The following SZT2 variants were observed in gnomAD, a reference collection of about 807,000 sequenced individuals.
SZT2 encodes the protein KICSTOR complex protein SZT2.
A neutral mutation model predicts 404.2 loss-of-function variants in SZT2; 216 were observed. That is an observed-to-expected ratio of 0.53 (90% CI 0.48 to 0.60). The LOEUF (loss-of-function observed/expected upper bound fraction) is 0.60. Among genes scored for constraint, SZT2 ranks in the 20% least tolerant of loss-of-function variants. The pLI is 0.00. For missense variants in SZT2, 3,857 were observed against 4,459.2 expected (o/e 0.86, Z 3.85); for synonymous variants, 1,693 against 1,749.9 (o/e 0.97, Z 0.81).
Position 43,425,177 on chromosome 1 carries a change from TC to T in SZT2, c.2621del (p.Pro874HisfsTer57). ...KHTCVVQYIL[F>X]PPHSTSTKDS... ...ACCTGTGTTGTCCAGTACATCCTCTTCCCCCCACACTCTACCTCCACCAAAG... is the reference window on the plus strand; with the variant it reads ...ACCTGTGTTGTCCAGTACATCCTCTTCCCCCACACTCTACCTCCACCAAAG... On this transcript the variant is annotated frameshift_variant, in exon 18 of 72. Transcript: ENST00000634258. LOFTEE classifies it high-confidence loss of function. This position sits in a 1 kb window ranked among gnomAD's most constrained non-coding sequence, Gnocchi z 4.3. 2 of 1,613,928 alleles carry T rather than the reference TC, an allele frequency of 1.2e-6. No homozygotes were observed. The highest frequency in any genetic ancestry group is 1.7e-6 in the Non-Finnish European group (2 of 1,179,966).
intron 1 of SZT2, among the ~76,000 whole-genome samples, chr1:43,391,728 C>G (rs2153926786): frequency 6.6e-6 from 1 of 152,222 alleles, no homozygotes; most frequent in Middle Eastern, 3.4e-3. Flanking sequence ...ACAACACCGT[C>G]CTGTAGAAAT....
Position 43,424,073 on chromosome 1 carries a change from G to T in SZT2, c.2256-144G>T. ...CCGGGTATGAGTGGTACAGAGGTGT[G>T]GAAGGGCGTGGCTTAGCCGGGTATC... On this transcript the variant is annotated intron_variant, in intron 15 of 71. Transcript: ENST00000634258. The surrounding 1 kb of genome is among the most constrained non-coding windows in gnomAD (Gnocchi z 4.1). 1 of 684,966 alleles carries T rather than the reference G, an allele frequency of 1.5e-6. No homozygotes were observed. The allele number at this position is 684,966 out of a possible 1,614,324, so 42.4% of individuals were successfully genotyped here.
In SZT2 at chr1:43,450,194, G is replaced by C; in HGVS notation, c.10155+23G>C. 1 of 1,614,060 alleles carries C rather than the reference G, an allele frequency of 6.2e-7. No homozygotes were observed. Among genetic ancestry groups the C allele is most frequent in the Non-Finnish European group, 8.5e-7 (1 of 1,179,946 alleles). On this transcript the variant is annotated intron_variant, in intron 71 of 71. Transcript: ENST00000634258. This position sits in a 1 kb window ranked among gnomAD's most constrained non-coding sequence, Gnocchi z 4.3. ...ACGGTAAGAACGAGTGGGGGGCTTTGTGTCAGCCTCATGGGAGGCCGTACC... is the reference window on the plus strand; with the variant it reads ...ACGGTAAGAACGAGTGGGGGGCTTTCTGTCAGCCTCATGGGAGGCCGTACC...
chr1:43,396,238 T>G (rs1223331928), intron 1 of SZT2, among the ~76,000 whole-genome samples: 2 of 152,188 alleles, frequency 1.3e-5, no homozygotes, highest in Admixed American at 1.3e-4. Context: ...GTGAGGAAAC[T>G]TGAAACCATG....
intron 7 of SZT2, 72 bp from the exon 8 acceptor site, chr1:43,419,662 C>T (rs1165897518): frequency 1.3e-5 from 17 of 1,315,824 alleles, no homozygotes; most frequent in Non-Finnish European, 1.7e-5. Context: ...CTAGCCCAGT[C>T]TCTTTCTCTC....
In SZT2 at chr1:43,450,881, G is replaced by T; in HGVS notation, c.*401G>T. On this transcript the variant is annotated 3_prime_UTR_variant, in exon 72 of 72. Transcript: ENST00000634258. The surrounding 1 kb of genome is among the most constrained non-coding windows in gnomAD (Gnocchi z 4.3). ...CCACCTGTGTCCCTTGAGCCTTCGG[G>T]TCTTCACTTCCCACTTGGACATCAC... 1.4e-6 allele frequency: 1 copy of T among 730,618 alleles called. No homozygotes were observed. The highest frequency in any genetic ancestry group is 1.4e-5 in the South Asian group (1 of 73,472). The allele number at this position is 730,618 out of a possible 1,614,324, so 45.3% of individuals were successfully genotyped here.
chr1:43,437,317 T>C lies in SZT2; in HGVS notation c.6181T>C (p.Ser2061Pro). ...CAAAATGGGGCCCAGCATGGGGGTC[T>C]CTCGGGGTATGTGATTGGCATGAGA... is the stretch of plus-strand genomic sequence containing the variant. ...RLKMGPSMGV[S>P]RAIQALRSVL... The change falls in exon 43 of 72, where the codon TCT becomes CCT. Residue 2061 changes from serine to proline, a missense_variant. By Grantham distance (74) the Ser-to-Pro change is moderately conservative. Around this residue, in one of 7 missense-constraint regions of SZT2, gnomAD observed 261 missense variants for 372.9 expected, o/e 0.70. Transcript: ENST00000634258. This position sits in a 1 kb window ranked among gnomAD's most constrained non-coding sequence, Gnocchi z 5.3. 6.2e-7 allele frequency: 1 copy of C among 1,614,096 alleles called. No individual in the cohort carries two copies. Among genetic ancestry groups the C allele is most frequent in the Non-Finnish European group, 8.5e-7 (1 of 1,180,022 alleles).
At chr1:43,435,612 A>G (rs1654378967) in intron 42 of SZT2, 1 of 306,236 alleles carries the variant, frequency 3.3e-6, no homozygotes, top group Non-Finnish European at 6.1e-6. Context: ...GAGAATAACT[A>G]CTCTTACAAG....
chr1:43,415,493 G>A (rs992526043), intron 5 of SZT2, among the ~76,000 whole-genome samples: 1 of 152,112 alleles, frequency 6.6e-6, no homozygotes, highest in African/African-American at 2.4e-5. Flanking sequence ...GTGATTATGC[G>A]TGGCTTTGAC....
intron 4 of SZT2, among the ~76,000 whole-genome samples, chr1:43,414,483 G>A (rs567004091): frequency 2.5e-4 from 38 of 151,972 alleles, no homozygotes; most frequent in Admixed American, 1.4e-3. Flanking sequence ...GTGCAGTGGC[G>A]TGATCTCTGC....
rs1488981993 is a variant in SZT2, at chr1:43,437,661, G to A, written c.6357G>A (p.Leu2119=). Residue 2119 remains leucine (L), a synonymous_variant, in exon 45 of 72, where the codon CTG becomes CTA. Transcript: ENST00000634258. This position sits in a 1 kb window ranked among gnomAD's most constrained non-coding sequence, Gnocchi z 5.3. ...KGDALPPSLA[L]SRSQEPIYSE... ...ATGCGCTGCCCCCTTCCCTCGCTCTGTCCCGAAGCCAAGAGCCCATCTACT... is the reference window on the plus strand; with the variant it reads ...ATGCGCTGCCCCCTTCCCTCGCTCTATCCCGAAGCCAAGAGCCCATCTACT... The A allele has an allele frequency of 4.3e-6, 7 of 1,613,940 alleles. No homozygotes were observed. The highest frequency in any genetic ancestry group is 2.2e-5 in the East Asian group (1 of 44,876).
At chr1:43,443,863 T>C (rs1655372399) in intron 62 of SZT2, 67 bp downstream of exon 62, 3 of 1,589,056 alleles carry the variant, frequency 1.9e-6, no homozygotes, top group South Asian at 2.2e-5. Context: ...CCACAGGCCC[T>C]TCCTCTCTTT....
At chr1:43,428,580 T>C in intron 28 of SZT2, 94 bp downstream of exon 28, 1 of 1,507,336 alleles carries the variant, frequency 6.6e-7, no homozygotes, top group South Asian at 1.3e-5. Context: ...CTGTGCAAGG[T>C]AGTATCTAAG....
rs751614773 is a variant in SZT2, at chr1:43,439,735, C to T, written c.7008C>T (p.Val2336=). The T allele has an allele frequency of 1.2e-6, 2 of 1,606,880 alleles. No individual in the cohort carries two copies. The highest frequency in any genetic ancestry group is 1.7e-6 in the Non-Finnish European group (2 of 1,175,832). ...AGGAATTTGAGCAACTGACCCAGGTCATCCGCTGCCCGGTTGTTGTGGACA... is the reference window on the plus strand; with the variant it reads ...AGGAATTTGAGCAACTGACCCAGGTTATCCGCTGCCCGGTTGTTGTGGACA... ...REEEFEQLTQ[V]IRCPVVVDSS... is the part of the protein sequence containing the mutation. Residue 2336 remains valine (V), a synonymous_variant, in exon 50 of 72, where the codon GTC becomes GTT. Coordinates refer to ENST00000634258, the MANE Select transcript of SZT2 (RefSeq NM_001365999.1). The surrounding 1 kb of genome is among the most constrained non-coding windows in gnomAD (Gnocchi z 4.2).
chr1:43,432,706 G>A (rs1489992919), intron 38 of SZT2, 22 bp from the exon 39 acceptor site: 1 of 1,613,818 alleles, frequency 6.2e-7, no homozygotes, highest in Non-Finnish European at 8.5e-7. Flanking sequence ...AGAGGCTCCA[G>A]GCATTTTCCT....
rs758019050 is a variant in SZT2 at position 43,451,981 on chromosome 1, G to T, written c.*1501G>T. The T allele has an allele frequency of 1.6e-5, 26 of 1,611,274 alleles. No individual in the cohort carries two copies. In the South Asian group the frequency reaches 2.8e-4, roughly 17 times the overall value. On this transcript the variant is annotated 3_prime_UTR_variant, in exon 72 of 72. Transcript: ENST00000634258. ...AGTACTGGGGGTCAGTGATGCGGGT[G>T]TTGATGGGCTCCAGCAGTCCCACGA...
At chr1:43,402,733 G>A (rs892763606) in intron 1 of SZT2, among the ~76,000 whole-genome samples, 1 of 152,146 alleles carries the variant, frequency 6.6e-6, no homozygotes, top group African/African-American at 2.4e-5. Flanking sequence ...TATTCCTTCG[G>A]TGAAAATTTC....
chr1:43,415,027 A>G (rs974918809), intron 4 of SZT2, 55 bp from the exon 5 acceptor site: 72 of 1,572,492 alleles, frequency 4.6e-5, no homozygotes, highest in Non-Finnish European at 5.8e-5. Flanking sequence ...GCAGAAGTGT[A>G]GTGGTCTGTG....
rs777486502 is a variant in SZT2, at chr1:43,403,737, T to C, written c.290T>C (p.Val97Ala). The C allele has an allele frequency of 3.1e-6, 5 of 1,614,018 alleles. No homozygotes were observed. Among genetic ancestry groups the C allele is most frequent in the Non-Finnish European group, 4.2e-6 (5 of 1,180,040 alleles). The change falls in exon 3 of 72, where the codon GTC becomes GCC. Residue 97 changes from valine to alanine, a missense_variant. This residue lies in a region of SZT2 where 536 missense variants were observed against 637.4 expected (regional missense o/e 0.84). Coordinates refer to ENST00000634258, the MANE Select transcript of SZT2 (RefSeq NM_001365999.1). ...VTFLAWQYRF[V>A]IELDLSPSTG... ...TTCCTGGCTTGGCAGTATCGGTTTG[T>C]CATTGAGTTGGACCTTAGCCCATCT...
Sources: allele counts gnomAD v4.1 joint callset (sites outside exome capture counted in the v4.1 genomes callset), GRCh38; gene constraint gnomAD v4.1.1; regional missense constraint gnomAD v4.1.1; non-coding constraint Gnocchi (gnomAD v3.1); transcripts MANE v1.5; gene names NCBI Gene and HGNC (gene_info 2026-07-23, HGNC 2026-07-21).